The following FRMD3 variants were observed in gnomAD, a reference collection of about 807,000 sequenced individuals.
FRMD3 encodes the protein FERM domain containing 3.
FRMD3 carries 33 observed loss-of-function variants against 70.2 expected under a neutral mutation model. That is an observed-to-expected ratio of 0.47 (90% CI 0.36 to 0.63). FRMD3 has a LOEUF of 0.63. FRMD3 is among the 20% of genes least tolerant of loss of function. The pLI is 0.00. For missense variants in FRMD3, 632 were observed against 711.4 expected, an observed-to-expected ratio of 0.89 and a Z score of 1.27; for synonymous variants, 279 against 255.9, an observed-to-expected ratio of 1.09 and a Z score of -0.86.
intron 5 of FRMD3, among the ~76,000 whole-genome samples, chr9:83,340,750 G>A (rs1289657324): frequency 1.3e-5 from 2 of 152,206 alleles, no homozygotes; most frequent in Non-Finnish European, 1.5e-5. Flanking sequence ...CAAAACTCCA[G>A]GTGATTGACT....
intron 1 of FRMD3, among the ~76,000 whole-genome samples, chr9:83,408,391 C>T (rs188803047): frequency 2.6e-5 from 4 of 152,256 alleles, no homozygotes; most frequent in African/African-American, 7.2e-5. Flanking sequence ...TTTCTGCCCT[C>T]ACCAGGTTGT....
chr9:83,547,370 G>A, the FRMD3 span, among the ~76,000 whole-genome samples: 2 of 149,104 alleles, frequency 1.3e-5, no homozygotes, highest in Admixed American at 6.7e-5. Flanking sequence ...TACCTTCTTT[G>A]TCTTTTTTTA....
At chr9:83,407,790 G>A (rs760888813) in intron 1 of FRMD3, among the ~76,000 whole-genome samples, 2 of 149,082 alleles carry the variant, frequency 1.3e-5, no homozygotes, top group Non-Finnish European at 2.9e-5. Flanking sequence ...TCACTCACAT[G>A]TCTGGTGCCT....
At chr9:83,491,358 G>A (rs750375523) in intron 1 of FRMD3, among the ~76,000 whole-genome samples, 3 of 152,186 alleles carry the variant, frequency 2.0e-5, no homozygotes, top group Non-Finnish European at 4.4e-5. Flanking sequence ...AGTGCTTGCC[G>A]AGTTTTCTTA....
chr9:83,260,569 T>C (rs1832937885), intron 13 of FRMD3, among the ~76,000 whole-genome samples: 1 of 152,158 alleles, frequency 6.6e-6, no homozygotes. Context: ...ATTGTTAAAA[T>C]TCCCTTTTCA....
At chr9:83,450,395 A>C (rs1827620106) in intron 1 of FRMD3, among the ~76,000 whole-genome samples, 1 of 137,586 alleles carries the variant, frequency 7.3e-6, no homozygotes, top group Admixed American at 7.8e-5. Context: ...TTTAGGGTAC[A>C]TGTGCACATT....
At chr9:83,243,995 G>A (rs2118429464), downstream of FRMD3, among the ~76,000 whole-genome samples, 1 of 152,226 alleles carries the variant, frequency 6.6e-6, no homozygotes, top group South Asian at 2.1e-4. Flanking sequence ...GGATGTGGTG[G>A]TGCATGCCTG....
At chr9:83,332,851 G>T (rs1823437202) in intron 6 of FRMD3, among the ~76,000 whole-genome samples, 1 of 152,202 alleles carries the variant, frequency 6.6e-6, no homozygotes, top group Non-Finnish European at 1.5e-5. Flanking sequence ...CACGGGTGTT[G>T]TGGTGACTCT....
At chr9:83,280,504 A>G (rs10867970) in intron 13 of FRMD3, among the ~76,000 whole-genome samples, 8,458 of 152,292 alleles carry the variant, frequency 0.056, 609 homozygotes, top group African/African-American at 0.17. Flanking sequence ...TGTCACCACC[A>G]TAACTAGAGC....
chr9:83,531,612 T>A (rs988357750), intron 1 of FRMD3, among the ~76,000 whole-genome samples: 1 of 152,214 alleles, frequency 6.6e-6, no homozygotes, highest in African/African-American at 2.4e-5. Context: ...AAGTGTTGAA[T>A]TGTCCTTACT....
At chr9:83,355,087 C>T in intron 3 of FRMD3, among the ~76,000 whole-genome samples, 1 of 152,158 alleles carries the variant, frequency 6.6e-6, no homozygotes, top group East Asian at 1.9e-4. Flanking sequence ...GAAGCCCCCA[C>T]TTACTCCCTG....
intron 13 of FRMD3, among the ~76,000 whole-genome samples, chr9:83,272,541 T>C (rs968138813): frequency 2.6e-5 from 4 of 152,098 alleles, no homozygotes; most frequent in Non-Finnish European, 5.9e-5. Context: ...CTCTGGGAAG[T>C]GAGGAGCATC....
At chr9:83,469,977 G>C (rs1828228972) in intron 1 of FRMD3, among the ~76,000 whole-genome samples, 1 of 152,226 alleles carries the variant, frequency 6.6e-6, no homozygotes, top group Admixed American at 6.5e-5. Flanking sequence ...TCTGGGGATA[G>C]GACCCAGGCA....
rs184251830 is a variant in FRMD3, at chr9:83,518,051, G to A, written c.147+20034C>T. Among the ~76,000 whole-genome samples the A allele has an allele frequency of 8.2e-4, 125 of 152,276 alleles. 2 individuals carry two copies. The highest frequency in any genetic ancestry group is 2.1e-4 in the Non-Finnish European group (14 of 68,020). On this transcript the variant is annotated intron_variant, in intron 1 of 13. Transcript: ENST00000304195. ...CCAATATCATACTGAATGGGCAAAAGCTGGAAGCATTCCCTTTGAAAACCT... is the reference window on the plus strand; with the variant it reads ...CCAATATCATACTGAATGGGCAAAAACTGGAAGCATTCCCTTTGAAAACCT...
the FRMD3 span, among the ~76,000 whole-genome samples, chr9:83,549,765 G>T: frequency 1.3e-5 from 2 of 151,990 alleles, no homozygotes; most frequent in Non-Finnish European, 2.9e-5. Context: ...AGAAGTGTCT[G>T]TTCATGTCTT....
intron 1 of FRMD3, among the ~76,000 whole-genome samples, chr9:83,486,040 T>C (rs865774123): frequency 5.3e-5 from 8 of 152,230 alleles, no homozygotes; most frequent in Middle Eastern, 3.4e-3. Context: ...TCTACTATGA[T>C]GTATCATTAA....
intron 1 of FRMD3, among the ~76,000 whole-genome samples, chr9:83,403,113 A>C (rs1424755275): frequency 3.3e-5 from 5 of 151,948 alleles, no homozygotes; most frequent in Non-Finnish European, 7.4e-5. Context: ...CATATTGGCC[A>C]GGCTGGTCTC....
intron 1 of FRMD3, among the ~76,000 whole-genome samples, chr9:83,480,924 T>C (rs1828554294): frequency 6.6e-6 from 1 of 152,244 alleles, no homozygotes; most frequent in Non-Finnish European, 1.5e-5. Flanking sequence ...GAAGGACAAC[T>C]GTAATATTAA....
intron 1 of FRMD3, among the ~76,000 whole-genome samples, chr9:83,438,883 G>A (rs898974945): frequency 1.6e-4 from 25 of 152,210 alleles, no homozygotes; most frequent in African/African-American, 6.0e-4. Flanking sequence ...CTGCACCTCA[G>A]CATAGCCTTC....
Sources: gnomAD v4.1 joint callset for allele counts (sites outside exome capture counted in the v4.1 genomes callset) on GRCh38, gnomAD v4.1.1 for gene constraint, MANE v1.5 for transcripts, NCBI Gene and HGNC (gene_info 2026-07-23, HGNC 2026-07-21) for gene names.